KIF3B: variants seen among roughly 807,000 people sequenced by gnomAD.
The protein encoded by KIF3B is kinesin family member 3B, also known as kinesin-like protein KIF3B.
Under a neutral mutation model 74.3 loss-of-function variants are expected in KIF3B, and 38 were observed. The observed-to-expected ratio is 0.51, with a 90% CI of 0.39 to 0.67. KIF3B has a LOEUF of 0.67. KIF3B is among the 30% of genes least tolerant of loss of function. The pLI is 0.00. For synonymous variants in KIF3B, 326 were observed against 342.5 expected (o/e 0.95, Z 0.53); for missense variants, 649 against 932.0 (o/e 0.70, Z 3.95).
At chr20:32,323,583 T>A (rs55647947) in intron 5 of KIF3B, among the ~76,000 whole-genome samples, 1 of 151,704 alleles carries the variant, frequency 6.6e-6, no homozygotes, top group African/African-American at 2.4e-5. Context: ...TTTTTATTTT[T>A]AAAAATATTT....
intron 1 of KIF3B, among the ~76,000 whole-genome samples, chr20:32,296,613 G>A (rs531562065): frequency 6.6e-6 from 1 of 152,074 alleles, no homozygotes; most frequent in East Asian, 1.9e-4. Flanking sequence ...AAAAAAAAGG[G>A]TATATAATGA....
Position 32,318,168 on chromosome 20 carries a change from G to A in KIF3B, c.1748+1294G>A, listed in dbSNP as rs563518261. 1.4e-4 allele frequency among the ~76,000 whole-genome samples: 21 copies of A among 152,114 alleles called. 1 individual carries two copies. The highest frequency in any genetic ancestry group is 3.9e-4 in the African/African-American group (16 of 41,516). On this transcript the variant is annotated intron_variant, in intron 5 of 8. Coordinates refer to ENST00000375712, the MANE Select transcript of KIF3B (RefSeq NM_004798.4). Reference sequence around the variant, plus strand: ...AATCCAAAAATTAGCTGGGTGTGATGGCGTGTACCTGTAATCCCAGTTACT... The same window carrying A: ...AATCCAAAAATTAGCTGGGTGTGATAGCGTGTACCTGTAATCCCAGTTACT...
At position 32,316,808 on chromosome 20, in the gene KIF3B, A is replaced by G. The variant is rs772643174; in HGVS notation, c.1682A>G (p.Glu561Gly). The G allele has an allele frequency of 1.2e-6, 2 of 1,614,146 alleles. No homozygotes were observed. The highest frequency in any genetic ancestry group is 1.1e-5 in the South Asian group (1 of 91,080). Residue 561 changes from glutamate (E) to glycine (G), a missense_variant, in exon 5 of 9, where the codon GAA (glutamate) becomes GGA (glycine). By Grantham distance (98) the Glu-to-Gly change is moderately conservative. This residue lies in a region of KIF3B where 363 missense variants were observed against 592.8 expected (regional missense o/e 0.61). Coordinates refer to ENST00000375712, the MANE Select transcript of KIF3B (RefSeq NM_004798.4). ...GCTGAGATCCATGACCTCCAAGAAG[A>G]ACACATCAAGGAGCGCCAAGAGCTA... ...VKAEIHDLQE[E>G]HIKERQELEQ... is the part of the protein sequence containing the mutation.
chr20:32,297,235 A>G (rs1281755859), intron 1 of KIF3B, among the ~76,000 whole-genome samples: 2 of 152,158 alleles, frequency 1.3e-5, no homozygotes, highest in African/African-American at 4.8e-5. Flanking sequence ...CTTAGAGGAC[A>G]TTGCTTTGGA....
chr20:32,330,273 G>A lies in KIF3B; in HGVS notation c.2101G>A (p.Asp701Asn), dbSNP rs778949215. 1.2e-6 allele frequency: 2 copies of A among 1,614,090 alleles called. No individual in the cohort carries two copies. Among genetic ancestry groups the A allele is most frequent in the Admixed American group, 3.3e-5 (2 of 60,004 alleles). The change falls in exon 8 of 9, where the codon GAT becomes AAT. Residue 701 changes from aspartate (D) to asparagine (N), a missense_variant. This residue lies in a region of KIF3B where 186 missense variants were observed against 198.5 expected (regional missense o/e 0.94). Coordinates refer to ENST00000375712, the MANE Select transcript of KIF3B (RefSeq NM_004798.4). ...ALQDEDEIQV[D>N]ASSFESTANK... is the part of the protein sequence containing the mutation. ...GCAGGATGAAGATGAGATACAGGTG[G>A]ATGCATCATCATTTGAAAGCACTGC... is the stretch of plus-strand genomic sequence containing the variant.
chr20:32,310,755 G>A lies in KIF3B; in HGVS notation c.978G>A (p.Glu326=), dbSNP rs753389512. The change falls in exon 2 of 9, where the codon GAG becomes GAA. Residue 326 remains glutamate, a synonymous_variant. Transcript: ENST00000375712. This position sits in a 1 kb window ranked among gnomAD's most constrained non-coding sequence, Gnocchi z 6.5. The part of the protein sequence containing the change: ...NVGPASYNVE[E]TLTTLRYANR... ...GGCCTGCCTCTTACAACGTAGAAGA[G>A]ACTCTGACCACTCTGCGATATGCCA... The A allele has an allele frequency of 6.2e-7, 1 of 1,614,172 alleles. No individual in the cohort carries two copies. Among genetic ancestry groups the A allele is most frequent in the Non-Finnish European group, 8.5e-7 (1 of 1,180,030 alleles).
At chr20:32,324,152 G>T (rs537566292) in intron 5 of KIF3B, among the ~76,000 whole-genome samples, 1 of 151,952 alleles carries the variant, frequency 6.6e-6, no homozygotes, top group African/African-American at 2.4e-5. Flanking sequence ...TTCTGGATTT[G>T]TTGGTCTCTT....
Position 32,310,783 on chromosome 20 carries a change from C to A in KIF3B, c.1006C>A (p.Arg336Ser). Residue 336 changes from arginine (R) to serine (S), a missense_variant, in exon 2 of 9, where the codon CGT becomes AGT. This residue lies in a region of KIF3B where 363 missense variants were observed against 592.8 expected (regional missense o/e 0.61). Coordinates refer to ENST00000375712, the MANE Select transcript of KIF3B (RefSeq NM_004798.4). This position sits in a 1 kb window ranked among gnomAD's most constrained non-coding sequence, Gnocchi z 6.5. ...ETLTTLRYAN[R>S]AKNIKNKPRV... ...TCTGACCACTCTGCGATATGCCAAC[C>A]GTGCCAAAAACATTAAGAACAAACC... The A allele has an allele frequency of 6.2e-7, 1 of 1,614,142 alleles. No homozygotes were observed. The highest frequency in any genetic ancestry group is 1.1e-5 in the South Asian group (1 of 91,078).
chr20:32,318,494 A>G lies in KIF3B; in HGVS notation c.1748+1620A>G, dbSNP rs1265333483. Among the ~76,000 whole-genome samples the G allele has an allele frequency of 2.0e-5, 3 of 152,116 alleles. No individual in the cohort carries two copies. The East Asian group carries it at 5.8e-4, about 29-fold the overall frequency. On this transcript the variant is annotated intron_variant, in intron 5 of 8. Coordinates refer to ENST00000375712, the MANE Select transcript of KIF3B (RefSeq NM_004798.4). ...CTTTCCCAACCCGAAGTAATCACTA[A>G]TCTGCTTCCTGTCTCTATGGCTTTG...
At chr20:32,281,843 G>A (rs2047644524) in intron 1 of KIF3B, among the ~76,000 whole-genome samples, 1 of 152,204 alleles carries the variant, frequency 6.6e-6, no homozygotes, top group Admixed American at 6.5e-5. Flanking sequence ...GGAAGAGCAA[G>A]GGTAAAGGCT....
chr20:32,278,575 C>T (rs1358989204), intron 1 of KIF3B, among the ~76,000 whole-genome samples: 3 of 152,098 alleles, frequency 2.0e-5, no homozygotes, highest in African/African-American at 7.2e-5. Context: ...CCCCCAACCC[C>T]GGTTTTACTT....
intron 1 of KIF3B, among the ~76,000 whole-genome samples, chr20:32,301,348 A>G (rs2122678499): frequency 6.6e-6 from 1 of 151,740 alleles, no homozygotes; most frequent in Non-Finnish European, 1.5e-5. Context: ...TACAGGTGTG[A>G]GTCACTGTGC....
At chr20:32,323,371 A>AAAT (rs1299728712) in intron 5 of KIF3B, among the ~76,000 whole-genome samples, 1 of 150,848 alleles carries the variant, frequency 6.6e-6, no homozygotes, top group Non-Finnish European at 1.5e-5. Flanking sequence ...GACTTATTTT[A>AAAT]ATCTGAGGCA....
intron 8 of KIF3B, 23 bp from the exon 9 acceptor site, chr20:32,331,200 A>G (rs754400493): frequency 6.5e-7 from 1 of 1,530,372 alleles, no homozygotes; most frequent in East Asian, 2.2e-5. Context: ...CATGTAATAT[A>G]AACATGTGTT....
At chr20:32,327,759 TC>T in intron 7 of KIF3B, 98 bp downstream of exon 7, 1 of 770,540 alleles carries the variant, frequency 1.3e-6, no homozygotes, top group Non-Finnish European at 2.1e-6. Context: ...ATACCTTCTT[TC>T]CAGAGGTACT....
At chr20:32,285,281 A>G (rs2047662520) in intron 1 of KIF3B, among the ~76,000 whole-genome samples, 1 of 152,208 alleles carries the variant, frequency 6.6e-6, no homozygotes, top group African/African-American at 2.4e-5. Flanking sequence ...CAGCTGAAGC[A>G]GGTAGGAACT....
intron 1 of KIF3B, among the ~76,000 whole-genome samples, chr20:32,284,826 C>T (rs2047659926): frequency 6.6e-6 from 1 of 152,164 alleles, no homozygotes; most frequent in African/African-American, 2.4e-5. Flanking sequence ...AGCTAAGATA[C>T]ATTAGCCAAG....
chr20:32,325,896 G>C (rs1375087202), intron 5 of KIF3B, among the ~76,000 whole-genome samples: 1 of 151,724 alleles, frequency 6.6e-6, no homozygotes, highest in Non-Finnish European at 1.5e-5. Context: ...TCGAACTCCT[G>C]ACCTCAGGCA....
At chr20:32,323,056 ATATTTATATATATT>A (rs1440620639) in intron 5 of KIF3B, among the ~76,000 whole-genome samples, 46 of 93,084 alleles carry the variant, frequency 4.9e-4, no homozygotes, top group African/African-American at 2.2e-3. Flanking sequence ...ATATATATTT[ATATTTATATATATT>A]TATATATTTA....
Sources: allele counts gnomAD v4.1 joint callset (sites outside exome capture counted in the v4.1 genomes callset), GRCh38; gene constraint gnomAD v4.1.1; regional missense constraint gnomAD v4.1.1; non-coding constraint Gnocchi (gnomAD v3.1); transcripts MANE v1.5; gene names NCBI Gene and HGNC (gene_info 2026-07-23, HGNC 2026-07-21).